SLC6A16: variants seen among roughly 807,000 people sequenced by gnomAD.
The protein encoded by SLC6A16 is orphan sodium- and chloride-dependent neurotransmitter transporter NTT5.
SLC6A16 carries 54 observed loss-of-function variants against 65.4 expected under a neutral mutation model. That is an observed-to-expected ratio of 0.83 (90% CI 0.66 to 1.04). The LOEUF is 1.04. Ranked by LOEUF, SLC6A16 falls within the 50% of genes least tolerant of loss-of-function variation. The pLI is 0.00. For missense variants in SLC6A16, 816 were observed against 914.0 expected (o/e 0.89, Z 1.38); for synonymous variants, 330 against 346.5 (o/e 0.95, Z 0.53).
the SLC6A16 span, chr19:49,340,183 G>A: frequency 5.7e-6 from 7 of 1,235,932 alleles, no homozygotes; most frequent in Non-Finnish European, 4.5e-6. Flanking sequence ...TTTCTCGCCC[G>A]GGTGGGCATC....
intron 7 of SLC6A16, among the ~76,000 whole-genome samples, chr19:49,308,535 A>G (rs984385112): frequency 6.6e-6 from 1 of 152,222 alleles, no homozygotes; most frequent in Admixed American, 6.5e-5. Flanking sequence ...TCTGTGTGGT[A>G]TGGTCTTGGA....
In SLC6A16 at chr19:49,309,110, T is replaced by G; in HGVS notation, c.995A>C (p.Asp332Ala). 6.2e-7 allele frequency: 1 copy of G among 1,613,862 alleles called. No individual in the cohort carries two copies. The highest frequency in any genetic ancestry group is 8.5e-7 in the Non-Finnish European group (1 of 1,179,966). ...LQQLVVAKISDVYNMSVWSLA... is the reference protein window; with the variant it reads ...LQQLVVAKISAVYNMSVWSLA... ...AGACCACACACTCATATTGTACACATCCGATATCTAAAAGAGAGAAGACAA... is the reference window on the plus strand; with the variant it reads ...AGACCACACACTCATATTGTACACAGCCGATATCTAAAAGAGAGAAGACAA... The change falls in exon 7 of 12, where the codon GAT becomes GCT. Residue 332 changes from aspartate to alanine, a missense_variant. Physicochemically the swap from Asp to Ala is moderately radical, Grantham distance 126 (BLOSUM62 -2). Coordinates refer to ENST00000335875, the MANE Select transcript of SLC6A16 (RefSeq NM_014037.3).
In SLC6A16 at chr19:49,293,937, AG is replaced by A; in HGVS notation, c.1507del (p.Leu503Ter). On this transcript the variant is annotated frameshift_variant, in exon 9 of 12. Transcript: ENST00000335875. LOFTEE classifies it high-confidence loss of function. ...PSVFWSFIFF[L>X]MLLAMGLSSA... ...GCTCAGCCCCATGGCCAGCAACATC[AG>A]GAAGAAGATAAAAGACCAGAAGACA... The A allele has an allele frequency of 1.9e-6, 3 of 1,614,092 alleles. No individual in the cohort carries two copies. Among genetic ancestry groups the A allele is most frequent in the Non-Finnish European group, 2.5e-6 (3 of 1,180,008 alleles).
intron 7 of SLC6A16, among the ~76,000 whole-genome samples, chr19:49,304,093 T>C (rs1022290451): frequency 6.6e-6 from 1 of 152,194 alleles, no homozygotes. Context: ...CATCATGACA[T>C]TGAGGGACAG....
intron 7 of SLC6A16, among the ~76,000 whole-genome samples, chr19:49,300,669 G>A (rs1568528488): frequency 2.0e-5 from 3 of 152,126 alleles, no homozygotes; most frequent in Admixed American, 1.3e-4. Context: ...GGGAGACAGA[G>A]CCAATTATTT....
At chr19:49,333,584 G>C in the SLC6A16 span, among the ~76,000 whole-genome samples, 1 of 152,160 alleles carries the variant, frequency 6.6e-6, no homozygotes, top group African/African-American at 2.4e-5. Flanking sequence ...GGGGCTATGT[G>C]GGGGACAGAC....
intron 3 of SLC6A16, 58 bp from the exon 4 acceptor site, chr19:49,310,224 G>T (rs1970488988): frequency 3.7e-6 from 6 of 1,609,170 alleles, no homozygotes; most frequent in Non-Finnish European, 5.1e-6. Context: ...AAAGGGAGGG[G>T]ATTTGACAGA....
At chr19:49,310,539 A>C in intron 2 of SLC6A16, 29 bp from the exon 3 acceptor site, 1 of 1,613,630 alleles carries the variant, frequency 6.2e-7, no homozygotes, top group Non-Finnish European at 8.5e-7. Context: ...AGGGACTCTG[A>C]GAACCATGTG....
At chr19:49,310,319 A>G (rs373947287) in intron 3 of SLC6A16, 34 bp downstream of exon 3, 12 of 1,612,006 alleles carry the variant, frequency 7.4e-6, no homozygotes, top group African/African-American at 4.0e-5. Context: ...GGTGGGGTGT[A>G]AAAGTCAGGC....
chr19:49,336,081 C>A, the SLC6A16 span: 2 of 473,462 alleles, frequency 4.2e-6, no homozygotes, highest in Non-Finnish European at 7.6e-6. Flanking sequence ...AGAGGGGAAG[C>A]CCCTTGATGG....
At chr19:49,294,675 A>G in intron 7 of SLC6A16, 122 bp from the exon 8 acceptor site, 3 of 917,374 alleles carry the variant, frequency 3.3e-6, no homozygotes, top group Non-Finnish European at 4.9e-6. Context: ...TGGGTAAGAT[A>G]GAGCCTGGGA....
chr19:49,339,908 ACCAG>A, the SLC6A16 span: 1 of 1,353,960 alleles, frequency 7.4e-7, no homozygotes, highest in South Asian at 1.5e-5. The surrounding 1 kb of genome is among the most constrained non-coding windows in gnomAD (Gnocchi z 4.5). Context: ...CAAGACGAGG[ACCAG>A]CCTGACACTG....
At chr19:49,330,161 T>G (rs1262380770), upstream of SLC6A16, among the ~76,000 whole-genome samples, 2 of 150,418 alleles carry the variant, frequency 1.3e-5, no homozygotes, top group Non-Finnish European at 3.0e-5. Context: ...AATTGGAAGA[T>G]GGAGTGACAA....
At chr19:49,335,762 A>G in the SLC6A16 span, 7 of 1,613,628 alleles carry the variant, frequency 4.3e-6, no homozygotes, top group Non-Finnish European at 5.1e-6. The surrounding 1 kb of genome is among the most constrained non-coding windows in gnomAD (Gnocchi z 4.6). Context: ...CCTCATTGAC[A>G]AGACCAGCTT....
At chr19:49,337,253 C>T in the SLC6A16 span, 6 of 1,599,482 alleles carry the variant, frequency 3.8e-6, no homozygotes, top group Non-Finnish European at 5.1e-6. Flanking sequence ...CCACCCACCC[C>T]CAGCAGGGAG....
upstream of SLC6A16, chr19:49,325,332 G>A (rs1235604568): frequency 1.3e-6 from 1 of 754,952 alleles, no homozygotes; most frequent in East Asian, 1.3e-4. Flanking sequence ...ACGCACGTGT[G>A]CACATCCTCT....
At chr19:49,302,063 C>T (rs1324052560) in intron 7 of SLC6A16, among the ~76,000 whole-genome samples, 1 of 152,230 alleles carries the variant, frequency 6.6e-6, no homozygotes, top group African/African-American at 2.4e-5. Flanking sequence ...CAGACTGCAG[C>T]AGGCCCCTGC....
chr19:49,310,218 G>A, intron 3 of SLC6A16, 52 bp from the exon 4 acceptor site: 1 of 1,611,490 alleles, frequency 6.2e-7, no homozygotes, highest in Non-Finnish European at 8.5e-7. Flanking sequence ...ACAGGAAAAG[G>A]GAGGGGATTT....
chr19:49,315,542 C>T (rs353980), intron 1 of SLC6A16, among the ~76,000 whole-genome samples: 119,812 of 152,130 alleles, frequency 0.79, 48,001 homozygotes, highest in African/African-American at 0.94. Context: ...CCTGTAATCC[C>T]AGCCCTTTGG....
Sources: gnomAD v4.1 joint callset for allele counts (sites outside exome capture counted in the v4.1 genomes callset) on GRCh38, gnomAD v4.1.1 for gene constraint, Gnocchi (gnomAD v3.1) non-coding constraint, MANE v1.5 for transcripts, NCBI Gene and HGNC (gene_info 2026-07-23, HGNC 2026-07-21) for gene names.